Variants in EDA observed in about 807,000 individuals in gnomAD.
The protein encoded by EDA is ectodysplasin-A.
In EDA, 2 loss-of-function variants were observed where a neutral mutation model predicts 23.6. That is an observed-to-expected ratio of 0.08 (90% CI 0.03 to 0.27). The LOEUF (loss-of-function observed/expected upper bound fraction) is 0.27. Among genes scored for constraint, EDA ranks in the 10% least tolerant of loss-of-function variants. EDA has a pLI of 1.00. For synonymous variants in EDA, 131 were observed against 132.0 expected, an observed-to-expected ratio of 0.99 and a Z score of 0.05; for missense variants, 229 against 324.2, an observed-to-expected ratio of 0.71 and a Z score of 2.26.
intron 1 of EDA, among the ~76,000 whole-genome samples, chrX:69,819,135 A>T (rs757347215): frequency 5.3e-5 from 6 of 112,489 alleles, no homozygotes; most frequent in Non-Finnish European, 7.5e-5. Context: ...TTATCTCAAT[A>T]GAAGCAGAAA....
intron 2 of EDA, among the ~76,000 whole-genome samples, chrX:69,988,957 A>T (rs2019545061): frequency 8.9e-6 from 1 of 111,741 alleles, no homozygotes; most frequent in Non-Finnish European, 1.9e-5. Context: ...TGGAAAGCTG[A>T]ACCCCCACAC....
intron 2 of EDA, among the ~76,000 whole-genome samples, chrX:69,972,910 C>A (rs1233731004): frequency 9.0e-6 from 1 of 111,035 alleles, no homozygotes; most frequent in African/African-American, 3.3e-5. Flanking sequence ...ATCCCCTTTT[C>A]CTTCAAAATC....
intron 1 of EDA, among the ~76,000 whole-genome samples, chrX:69,908,868 T>G (rs2018216615): frequency 9.1e-6 from 1 of 109,696 alleles, no homozygotes; most frequent in East Asian, 2.9e-4. Context: ...TTTAATAAGT[T>G]AGTGAGCTCC....
chrX:70,013,451 A>G (rs1323188011), intron 2 of EDA, among the ~76,000 whole-genome samples: 1 of 111,284 alleles, frequency 9.0e-6, no homozygotes, highest in Non-Finnish European at 1.9e-5. Flanking sequence ...CTGAGGTGGA[A>G]CTTATGAGGA....
At chrX:69,863,976 T>C (rs2017442957) in intron 1 of EDA, among the ~76,000 whole-genome samples, 1 of 111,125 alleles carries the variant, frequency 9.0e-6, no homozygotes, top group South Asian at 3.8e-4. Context: ...TTTGTATTCA[T>C]TATTTTAAAG....
intron 2 of EDA, among the ~76,000 whole-genome samples, chrX:69,990,682 C>T (rs1175037854): frequency 1.8e-5 from 2 of 109,013 alleles, no homozygotes; most frequent in Non-Finnish European, 3.8e-5. Flanking sequence ...AGTTTTCTCT[C>T]ATGCTGGGTT....
At chrX:69,857,830 G>T (rs894704440) in intron 1 of EDA, among the ~76,000 whole-genome samples, 1 of 111,907 alleles carries the variant, frequency 8.9e-6, no homozygotes, top group Non-Finnish European at 1.9e-5. Context: ...TGGCAGTATG[G>T]TCATTTTCAC....
intron 1 of EDA, among the ~76,000 whole-genome samples, chrX:69,633,711 T>A (rs1194833538): frequency 3.5e-5 from 4 of 112,787 alleles, no homozygotes; most frequent in Non-Finnish European, 5.6e-5. Flanking sequence ...TACAGGTGAA[T>A]AAAATTCCAT....
intron 1 of EDA, among the ~76,000 whole-genome samples, chrX:69,666,497 C>G (rs145677204): frequency 1.8e-5 from 2 of 112,173 alleles, no homozygotes; most frequent in African/African-American, 6.4e-5. Context: ...AAGTTTTTGT[C>G]AAAAAAGGAT....
chrX:69,824,148 T>G (rs1352282978), intron 1 of EDA, among the ~76,000 whole-genome samples: 6 of 109,061 alleles, frequency 5.5e-5, no homozygotes, highest in African/African-American at 2.0e-4. Flanking sequence ...TCCAGCTTTG[T>G]TCTTTTGGCT....
intron 1 of EDA, chrX:69,937,092 G>C: frequency 1.4e-6 from 1 of 726,088 alleles, no homozygotes; most frequent in South Asian, 2.5e-5. Flanking sequence ...GATTCAACCA[G>C]AGATAAAACC....
chrX:69,667,557 A>AT (rs1364080485), intron 1 of EDA, among the ~76,000 whole-genome samples: 3 of 108,424 alleles, frequency 2.8e-5, no homozygotes, highest in Non-Finnish European at 3.8e-5. Context: ...AGTTTTATTG[A>AT]TTTTTTCTAT....
At chrX:69,981,740 T>C (rs1301171675) in intron 2 of EDA, among the ~76,000 whole-genome samples, 1 of 112,242 alleles carries the variant, frequency 8.9e-6, no homozygotes, top group Non-Finnish European at 1.9e-5. Context: ...AACAATCCTG[T>C]GAAGTTAGTA....
chrX:69,852,598 G>A (rs1210575898), intron 1 of EDA, among the ~76,000 whole-genome samples: 1 of 111,440 alleles, frequency 9.0e-6, no homozygotes, highest in Admixed American at 9.6e-5. Flanking sequence ...TTTGGGAGCA[G>A]AAGATAAAAC....
chrX:69,896,414 T>C (rs911686431), intron 1 of EDA, among the ~76,000 whole-genome samples: 5 of 108,694 alleles, frequency 4.6e-5, no homozygotes, highest in Admixed American at 2.0e-4. Context: ...TGTGTGTGTG[T>C]GTGTGTGTGT....
chrX:69,713,403 A>G (rs2012171768), intron 1 of EDA, among the ~76,000 whole-genome samples: 1 of 111,539 alleles, frequency 9.0e-6, no homozygotes, highest in African/African-American at 3.3e-5. Flanking sequence ...GTCGTATACA[A>G]TCTTATCTGT....
At position 69,791,843 on chromosome X, in the gene EDA, C is replaced by T. The variant is rs773553337; in HGVS notation, c.397-165184C>T. 5.4e-5 allele frequency among the ~76,000 whole-genome samples: 6 copies of T among 111,761 alleles called. No individual in the cohort carries two copies. In the East Asian group the frequency reaches 1.4e-3, roughly 26 times the overall value. ...ATTTTTAGTAGAGACGGGGTTTCTCCATGTTGGTCAGGCTGGTCTCAAATT... is the reference window on the plus strand; with the variant it reads ...ATTTTTAGTAGAGACGGGGTTTCTCTATGTTGGTCAGGCTGGTCTCAAATT... On this transcript the variant is annotated intron_variant, in intron 1 of 7. Coordinates refer to ENST00000374552, the MANE Select transcript of EDA (RefSeq NM_001399.5).
intron 1 of EDA, among the ~76,000 whole-genome samples, chrX:69,786,209 C>G (rs1387873051): frequency 9.0e-6 from 1 of 111,365 alleles, no homozygotes; most frequent in South Asian, 3.8e-4. Flanking sequence ...TGCTAGCGGT[C>G]TATCAATTTT....
intron 1 of EDA, among the ~76,000 whole-genome samples, chrX:69,943,246 T>C (rs769647111): frequency 9.0e-6 from 1 of 111,525 alleles, no homozygotes; most frequent in African/African-American, 3.3e-5. Context: ...TATTCATCGA[T>C]GTCTGGGCAT....
Sources: gnomAD v4.1 joint callset for allele counts (sites outside exome capture counted in the v4.1 genomes callset) on GRCh38, gnomAD v4.1.1 for gene constraint, MANE v1.5 for transcripts, NCBI Gene and HGNC (gene_info 2026-07-23, HGNC 2026-07-21) for gene names.